Variants in PANK1 observed in about 807,000 individuals in gnomAD.
PANK1 encodes pantothenate kinase 1, also known as pantothenic acid kinase 1.
A neutral mutation model predicts 40.1 loss-of-function variants in PANK1; 18 were observed. The observed-to-expected ratio is 0.45, with a 90% CI of 0.31 to 0.67. The LOEUF is 0.67. PANK1 is among the 30% of genes least tolerant of loss of function. The pLI is 0.06. For missense variants in PANK1, 457 were observed against 599.6 expected (o/e 0.76, Z 2.48); for synonymous variants, 242 against 237.7 (o/e 1.02, Z -0.17).
At chr10:89,636,659 G>T (rs1841826225) in intron 1 of PANK1, among the ~76,000 whole-genome samples, 2 of 151,422 alleles carry the variant, frequency 1.3e-5, no homozygotes, top group African/African-American at 4.9e-5. Context: ...CACAGTGTTA[G>T]CCAGGATGGT....
At chr10:89,595,825 AAAAAAAAAATATATATATATATAT>A (rs1236655182) in intron 3 of PANK1, among the ~76,000 whole-genome samples, 5 of 69,360 alleles carry the variant, frequency 7.2e-5, no homozygotes, top group African/African-American at 3.3e-4. Context: ...TTAAAAAAAA[AAAAAAAAAATATATATATATATAT>A]ATATATATAT....
At position 89,599,304 on chromosome 10, in the gene PANK1, T is replaced by C; in HGVS notation, c.847A>G (p.Ser283Gly). ...TCCTTGGAGTACACGGCTAGAATGCTGACACCTGAGCCCATGTTAACCAGC... is the reference window on the plus strand; with the variant it reads ...TCCTTGGAGTACACGGCTAGAATGCCGACACCTGAGCCCATGTTAACCAGC... The part of the protein sequence containing the change: ...MLLVNMGSGV[S>G]ILAVYSKDNY... The change falls in exon 3 of 7, where the codon AGC becomes GGC. Residue 283 changes from serine to glycine, a missense_variant. By Grantham distance (56) the Ser-to-Gly change is moderately conservative (BLOSUM62 0). Around this residue, in one of 4 missense-constraint regions of PANK1, gnomAD observed 286 missense variants for 415.8 expected, o/e 0.69. Transcript: ENST00000307534. 6.2e-7 allele frequency: 1 copy of C among 1,613,938 alleles called. No homozygotes were observed. Among genetic ancestry groups the C allele is most frequent in the Non-Finnish European group, 8.5e-7 (1 of 1,179,762 alleles).
intron 1 of PANK1, among the ~76,000 whole-genome samples, chr10:89,630,460 C>T (rs1460999527): frequency 6.6e-6 from 1 of 151,976 alleles, no homozygotes; most frequent in Admixed American, 6.6e-5. Context: ...TCAGAGAACT[C>T]CCTCAAACAT....
intron 1 of PANK1, among the ~76,000 whole-genome samples, chr10:89,631,658 T>C (rs1005697636): frequency 6.6e-6 from 1 of 152,234 alleles, no homozygotes; most frequent in Admixed American, 6.5e-5. Context: ...CTTAGTCCAG[T>C]GATACTGGGT....
At chr10:89,595,833 AATATATATATATATATATATAT>A (rs369831755) in intron 3 of PANK1, among the ~76,000 whole-genome samples, 10 of 33,778 alleles carry the variant, frequency 3.0e-4, no homozygotes, top group South Asian at 1.5e-3. Context: ...AAAAAAAAAA[AATATATATATATATATATATAT>A]ATATATATAT....
rs1252070164 is a variant in PANK1 at position 89,583,306 on chromosome 10, T to C, written c.*1100A>G. 1 of 152,172 alleles carries C rather than the reference T, an allele frequency of 6.6e-6. No individual in the cohort carries two copies. Among genetic ancestry groups the C allele is most frequent in the African/African-American group, 2.4e-5 (1 of 41,442 alleles). 9.4% of individuals were successfully genotyped at this position (152,172 alleles called of 1,614,324 possible). A position where few individuals can be genotyped will look rare whatever the true frequency, so the allele number is the denominator to read the frequency against. On this transcript the variant is annotated 3_prime_UTR_variant, in exon 7 of 7. Coordinates refer to ENST00000307534, the MANE Select transcript of PANK1 (RefSeq NM_148977.3). ...TTATTTTTAATTTTAGAAACTGAGA[T>C]TGAAGTACAGTTTTTAGTTTAAAAT...
intron 3 of PANK1, among the ~76,000 whole-genome samples, chr10:89,597,652 T>C (rs1377914922): frequency 6.6e-6 from 1 of 152,248 alleles, no homozygotes; most frequent in African/African-American, 2.4e-5. Context: ...TGTAATTCAT[T>C]AAATTGTTAA....
intron 2 of PANK1, among the ~76,000 whole-genome samples, chr10:89,600,919 C>T (rs1024482186): frequency 3.6e-4 from 55 of 152,146 alleles, no homozygotes; most frequent in Non-Finnish European, 1.0e-4. Context: ...TTACTACATG[C>T]TAAACCCTTG....
At chr10:89,639,144 C>T (rs1841902023) in intron 1 of PANK1, 1 of 423,818 alleles carries the variant, frequency 2.4e-6, no homozygotes, top group African/African-American at 2.0e-5. Context: ...ATTTATTTGG[C>T]TTACAGTTCT....
At position 89,644,949 on chromosome 10, in the gene PANK1, A is replaced by T; in HGVS notation, c.-58T>A. 6.4e-7 allele frequency: 1 copy of T among 1,571,136 alleles called. No individual in the cohort carries two copies. Among genetic ancestry groups the T allele is most frequent in the Non-Finnish European group, 8.6e-7 (1 of 1,162,310 alleles). On this transcript the variant is annotated 5_prime_UTR_variant, in exon 1 of 7. An upstream start codon of the reference 5' UTR is lost. Transcript: ENST00000307534. ...GGCTCAGGCGGCCTCGCTGGAGGTC[A>T]TTCTCCGGCGTCTTTATTTCCCCGG...
At chr10:89,633,593 T>C (rs988413842) in intron 1 of PANK1, among the ~76,000 whole-genome samples, 1 of 152,070 alleles carries the variant, frequency 6.6e-6, no homozygotes, top group Non-Finnish European at 1.5e-5. Flanking sequence ...CAGGTTCCAC[T>C]AATGTTCAAG....
intron 5 of PANK1, chr10:89,592,644 GA>G: frequency 2.1e-6 from 1 of 487,384 alleles, no homozygotes; most frequent in South Asian, 1.5e-5. Flanking sequence ...TTTTCCAAAC[GA>G]ATCTTGCAAT....
chr10:89,582,347 C>G (rs1369225919), downstream of PANK1: 1 of 152,160 alleles, frequency 6.6e-6, no homozygotes, highest in East Asian at 1.9e-4. Flanking sequence ...GCTACAAGAT[C>G]TCTTTTGTAA....
chr10:89,595,480 A>C (rs1771966617), intron 3 of PANK1, among the ~76,000 whole-genome samples: 1 of 151,550 alleles, frequency 6.6e-6, no homozygotes, highest in African/African-American at 2.4e-5. Flanking sequence ...AAAATGAAAT[A>C]GTGAAACTAT....
chr10:89,595,832 AAATATATATATATATATATATAT>A lies in PANK1; in HGVS notation c.900-1866_900-1844del, dbSNP rs1334061439. Among the ~76,000 whole-genome samples, 138 of 56,552 alleles carry A rather than the reference AAATATATATATATATATATATAT, an allele frequency of 2.4e-3. 2 individuals are homozygous for A. The highest frequency in any genetic ancestry group is 0.013 in the African/African-American group (124 of 9,760). The allele number at this position is 56,552 out of a possible 152,430, so 37.1% of individuals were successfully genotyped here. ...ACTCCATCTTAAAAAAAAAAAAAAA[AAATATATATATATATATATATAT>A]ATATATATATATATATATAACTTCA... On this transcript the variant is annotated intron_variant, in intron 3 of 6. Coordinates refer to ENST00000307534, the MANE Select transcript of PANK1 (RefSeq NM_148977.3).
At chr10:89,581,318 C>T (rs1218452361), downstream of PANK1, 2 of 152,206 alleles carry the variant, frequency 1.3e-5, no homozygotes, top group Non-Finnish European at 2.9e-5. Flanking sequence ...ACTCTGAATC[C>T]ATGTATACTG....
At chr10:89,592,724 C>G (rs746214207) in intron 5 of PANK1, 10 of 534,560 alleles carry the variant, frequency 1.9e-5, no homozygotes, top group Non-Finnish European at 3.8e-6. Flanking sequence ...GGGACTCTGG[C>G]TGGCCTTGGC....
chr10:89,602,736 T>C (rs534201924), intron 2 of PANK1, among the ~76,000 whole-genome samples: 94 of 152,308 alleles, frequency 6.2e-4, no homozygotes, highest in African/African-American at 2.1e-3. Flanking sequence ...GCAAAGGCCT[T>C]GACTAGATGT....
At chr10:89,642,463 C>T (rs987906323) in intron 1 of PANK1, among the ~76,000 whole-genome samples, 16 of 152,206 alleles carry the variant, frequency 1.1e-4, no homozygotes, top group Non-Finnish European at 2.2e-4. Flanking sequence ...GCTTCGCCAC[C>T]AGCACACACT....
Sources: gnomAD v4.1 joint callset for allele counts (sites outside exome capture counted in the v4.1 genomes callset) on GRCh38, gnomAD v4.1.1 for gene constraint, gnomAD v4.1.1 regional missense constraint, MANE v1.5 for transcripts, NCBI Gene and HGNC (gene_info 2026-07-23, HGNC 2026-07-21) for gene names.